The following MKI67 variants were observed in gnomAD, a reference collection of about 807,000 sequenced individuals.
The protein encoded by MKI67 is proliferation marker protein Ki-67.
In MKI67, 152 loss-of-function variants were observed where a neutral mutation model predicts 233.5. That is an observed-to-expected ratio of 0.65 (90% CI 0.57 to 0.74). The LOEUF is 0.74. MKI67 is among the 30% of genes least tolerant of loss of function. MKI67 has a pLI of 0.00. For missense variants in MKI67, 3,940 were observed against 3,885.2 expected, an observed-to-expected ratio of 1.01 and a Z score of -0.37; for synonymous variants, 1,465 against 1,418.5, an observed-to-expected ratio of 1.03 and a Z score of -0.74.
intron 12 of MKI67, 106 bp from the exon 13 acceptor site, chr10:128,109,529 T>G: frequency 1.6e-6 from 2 of 1,240,394 alleles, no homozygotes; most frequent in Admixed American, 2.6e-5. Context: ...TAGCTTCGTA[T>G]TCACTGAACG....
In MKI67 at chr10:128,115,930, TG is replaced by T. The variant is rs1852796857; in HGVS notation, c.477del (p.Lys160ArgfsTer52). The T allele has an allele frequency of 6.2e-7, 1 of 1,611,932 alleles. No individual in the cohort carries two copies. Among genetic ancestry groups the T allele is most frequent in the Non-Finnish European group, 8.5e-7 (1 of 1,179,990 alleles). On this transcript the variant is annotated frameshift_variant, in exon 7 of 15. Coordinates refer to ENST00000368654, the MANE Select transcript of MKI67 (RefSeq NM_002417.5). LOFTEE classifies it high-confidence loss of function. ...GCGGTACTGTCTTCTTTGACATTCT[TG>T]ATATGTACCTGAGGATTTCCTGAAA... ...GKVSGNPQVH[I>X]KNVKEDSTAD...
In MKI67 at chr10:128,108,471, T is replaced by C. The variant is rs534297621; in HGVS notation, c.3369A>G (p.Lys1123=). The change falls in exon 13 of 15, where the codon AAA becomes AAG. Residue 1123 remains lysine (K), a synonymous_variant. Transcript: ENST00000368654. ...GAGATTTGCAGGCTATTTTGGTAGT[T>C]TTCTCATCAGTCATTGATTCCTCAG... The part of the protein sequence containing the change: ...GPSEESMTDE[K]TTKIACKSPP... 1 of 1,613,698 alleles carries C rather than the reference T, an allele frequency of 6.2e-7. No homozygotes were observed. The highest frequency in any genetic ancestry group is 1.3e-5 in the African/African-American group (1 of 74,808).
In MKI67 at chr10:128,097,621, G is replaced by A. The variant is rs1181922276; in HGVS notation, c.*1569C>T. 6.6e-6 allele frequency: 1 copy of A among 152,088 alleles called. No homozygotes were observed. Among genetic ancestry groups the A allele is most frequent in the Non-Finnish European group, 1.5e-5 (1 of 68,018 alleles). 9.4% of individuals were successfully genotyped at this position (152,088 alleles called of 1,614,324 possible). A position where few individuals can be genotyped will look rare whatever the true frequency, so the allele number is the denominator to read the frequency against. ...GATCATAGCAACATTCCTACTGAAA[G>A]TTTTGAGGTTGGCCTACGTAGAAGG... On this transcript the variant is annotated 3_prime_UTR_variant, in exon 15 of 15. Transcript: ENST00000368654.
Position 128,109,286 on chromosome 10 carries a change from T to C in MKI67, c.2554A>G (p.Thr852Ala). Reference sequence around the variant, plus strand: ...TCTGAAGTTTTTGTCTCCAGAGAAGTCATTTTGTAGGTGTTCCTGGGCGTT... The same window carrying C: ...TCTGAAGTTTTTGTCTCCAGAGAAGCCATTTTGTAGGTGTTCCTGGGCGTT... ...AKTPRNTYKM[T>A]SLETKTSDTE... The change falls in exon 13 of 15, where the codon ACT becomes GCT. Residue 852 changes from threonine (T) to alanine (A), a missense_variant. Transcript: ENST00000368654. The C allele has an allele frequency of 1.2e-6, 2 of 1,614,176 alleles. No individual in the cohort carries two copies.
At chr10:128,100,935 T>C (rs763139573) in intron 14 of MKI67, among the ~76,000 whole-genome samples, 3 of 152,258 alleles carry the variant, frequency 2.0e-5, no homozygotes, top group Non-Finnish European at 4.4e-5. Flanking sequence ...ACAGAAAGGC[T>C]GAAGACATCT....
In MKI67 at chr10:128,125,237, C is replaced by G. The variant is rs1440160277; in HGVS notation, c.92+339G>C. 6.6e-6 allele frequency among the ~76,000 whole-genome samples: 1 copy of G among 152,166 alleles called. No homozygotes were observed. Among genetic ancestry groups the G allele is most frequent in the Non-Finnish European group, 1.5e-5 (1 of 68,036 alleles). ...CTGTGTCCCCAGTGGCCAGGGATGCCCACTGTGGAGGCACCCGGGGGCGCA... is the reference window on the plus strand; with the variant it reads ...CTGTGTCCCCAGTGGCCAGGGATGCGCACTGTGGAGGCACCCGGGGGCGCA... On this transcript the variant is annotated intron_variant, in intron 2 of 14. Coordinates refer to ENST00000368654, the MANE Select transcript of MKI67 (RefSeq NM_002417.5). The surrounding 1 kb of genome is among the most constrained non-coding windows in gnomAD (Gnocchi z 5.3).
chr10:128,107,929 CCTA>C lies in MKI67; in HGVS notation c.3908_3910del (p.Val1303del), dbSNP rs1590304090. 2 of 1,613,584 alleles carry C rather than the reference CCTA, an allele frequency of 1.2e-6. No homozygotes were observed. The highest frequency in any genetic ancestry group is 1.7e-6 in the Non-Finnish European group (2 of 1,179,962). ...AAATATGATGATGTCTTTCTCTTCA[CCTA>C]CTGATGGTTTAGGCGTGTGCATGGC... On this transcript the variant is annotated inframe_deletion, in exon 13 of 15. Coordinates refer to ENST00000368654, the MANE Select transcript of MKI67 (RefSeq NM_002417.5).
At chr10:128,120,723 G>A (rs1319476119) in intron 4 of MKI67, among the ~76,000 whole-genome samples, 1 of 152,006 alleles carries the variant, frequency 6.6e-6, no homozygotes, top group African/African-American at 2.4e-5. Context: ...CAACTAATAC[G>A]TTGTCTACAA....
At chr10:128,110,605 T>A in intron 11 of MKI67, 72 bp from the exon 12 acceptor site, 4 of 1,224,472 alleles carry the variant, frequency 3.3e-6, no homozygotes, top group Non-Finnish European at 4.5e-6. Context: ...AGCCCTCACA[T>A]GTAACGTGCA....
intron 4 of MKI67, among the ~76,000 whole-genome samples, chr10:128,122,497 A>C (rs1212970896): frequency 6.6e-6 from 1 of 152,150 alleles, no homozygotes; most frequent in Non-Finnish European, 1.5e-5. Flanking sequence ...TGGTGATCAA[A>C]AGGGTGTTCA....
At position 128,110,365 on chromosome 10, in the gene MKI67, C is replaced by A. The variant is rs760001334; in HGVS notation, c.2416+13G>T. The A allele has an allele frequency of 6.5e-7, 1 of 1,543,112 alleles. No individual in the cohort carries two copies. Among genetic ancestry groups the A allele is most frequent in the Admixed American group, 1.7e-5 (1 of 57,666 alleles). ...CCCAAAACATCACAGTGTTAGGAAA[C>A]AAGGAAACCAACCAAAACTCTCTGA... On this transcript the variant is annotated intron_variant, in intron 12 of 14. Transcript: ENST00000368654.
chr10:128,108,517 A>G lies in MKI67; in HGVS notation c.3323T>C (p.Leu1108Pro). 3 of 1,613,890 alleles carry G rather than the reference A, an allele frequency of 1.9e-6. No individual in the cohort carries two copies. The highest frequency in any genetic ancestry group is 1.7e-6 in the Non-Finnish European group (2 of 1,179,994). ...CTCAGAGGGACCTGGTGTCTGGAAG[A>G]GCTCTTTGAAGCCAGCCAGGTCTTC... ...SLEDLAGFKELFQTPGPSEES... is the reference protein window; with the variant it reads ...SLEDLAGFKEPFQTPGPSEES... The change falls in exon 13 of 15, where the codon CTC becomes CCC. Residue 1108 changes from leucine (L) to proline (P), a missense_variant. Coordinates refer to ENST00000368654, the MANE Select transcript of MKI67 (RefSeq NM_002417.5).
rs1853036024 is a variant in MKI67 at position 128,125,525 on chromosome 10, G to T, written c.92+51C>A. On this transcript the variant is annotated intron_variant, in intron 2 of 14. Coordinates refer to ENST00000368654, the MANE Select transcript of MKI67 (RefSeq NM_002417.5). This position sits in a 1 kb window ranked among gnomAD's most constrained non-coding sequence, Gnocchi z 5.3. ...TTCTGGACTTTATTCTGTGACTAAG[G>T]TATTTTCCTCTTTCTCAGCTAAAAC... is the stretch of plus-strand genomic sequence containing the variant. The T allele has an allele frequency of 7.0e-7, 1 of 1,426,408 alleles. No individual in the cohort carries two copies. Among genetic ancestry groups the T allele is most frequent in the Non-Finnish European group, 9.9e-7 (1 of 1,011,266 alleles). 88.4% of individuals were successfully genotyped at this position (1,426,408 alleles called of 1,614,324 possible).
In MKI67 at chr10:128,103,763, G is replaced by C. The variant is rs772325112; in HGVS notation, c.8077C>G (p.Gln2693Glu). ...GCTTTGCCAGCAGTCAGTGATTCCTGAGTGTGACCTGATGTTTCAGAGAGC... is the reference window on the plus strand; with the variant it reads ...GCTTTGCCAGCAGTCAGTGATTCCTCAGTGTGACCTGATGTTTCAGAGAGC... ...TELSETSGHT[Q>E]ESLTAGKATK... The change falls in exon 13 of 15, where the codon CAG becomes GAG. Residue 2693 changes from glutamine to glutamate, a missense_variant. Coordinates refer to ENST00000368654, the MANE Select transcript of MKI67 (RefSeq NM_002417.5). 19 of 1,613,608 alleles carry C rather than the reference G, an allele frequency of 1.2e-5. No individual in the cohort carries two copies. Among genetic ancestry groups the C allele is most frequent in the Non-Finnish European group, 1.6e-5 (19 of 1,179,894 alleles).
intron 2 of MKI67, among the ~76,000 whole-genome samples, chr10:128,124,958 C>A (rs1853024149): frequency 6.6e-6 from 1 of 151,482 alleles, no homozygotes; most frequent in Admixed American, 6.6e-5. Context: ...GGCCTGAATC[C>A]CGTGTGGTCT....
chr10:128,113,671 G>T, intron 7 of MKI67, 69 bp from the exon 8 acceptor site: 1 of 1,428,680 alleles, frequency 7.0e-7, no homozygotes, highest in Non-Finnish European at 9.8e-7. Flanking sequence ...TTTATTTCAC[G>T]TTAGCATTAA....
chr10:128,108,574 G>A lies in MKI67; in HGVS notation c.3266C>T (p.Pro1089Leu). 2 of 1,614,142 alleles carry A rather than the reference G, an allele frequency of 1.2e-6. 1 individual carries two copies. Among genetic ancestry groups the A allele is most frequent in the South Asian group, 2.2e-5 (2 of 91,068 alleles). Residue 1089 changes from proline to leucine, a missense_variant, in exon 13 of 15, where the codon CCA becomes CTA. Physicochemically the swap from Pro to Leu is moderately conservative, Grantham distance 98. Transcript: ENST00000368654. ...CTGGGCCTCTTCCTTAGGCGTTCTT[G>A]GCCACTTCTTCATTCCAGTTACACG... The part of the protein sequence containing the change: ...AARVTGMKKW[P>L]RTPKEEAQSL...
chr10:128,100,022 G>A (rs1852302028), intron 14 of MKI67, among the ~76,000 whole-genome samples: 1 of 152,212 alleles, frequency 6.6e-6, no homozygotes, highest in African/African-American at 2.4e-5. Flanking sequence ...TCCAGACTGT[G>A]AATTCGGTAA....
At position 128,105,899 on chromosome 10, in the gene MKI67, A is replaced by C; in HGVS notation, c.5941T>G (p.Cys1981Gly). The stretch of plus-strand genomic sequence containing the variant: ...ACTGGGTCTGGTTGTGGAGATTTGC[A>C]GGATACTTCTGTGATTTTGTCATCG... ...MTDDKITEVSCKSPQPDPVKT... is the reference protein window; with the variant it reads ...MTDDKITEVSGKSPQPDPVKT... Residue 1981 changes from cysteine (C) to glycine (G), a missense_variant, in exon 13 of 15, where the codon TGC becomes GGC. Cys to Gly is a radical substitution (Grantham distance 159). Transcript: ENST00000368654. 1 of 1,613,650 alleles carries C rather than the reference A, an allele frequency of 6.2e-7. No individual in the cohort carries two copies. Among genetic ancestry groups the C allele is most frequent in the Non-Finnish European group, 8.5e-7 (1 of 1,179,952 alleles).
Sources: gnomAD v4.1 joint callset for allele counts (sites outside exome capture counted in the v4.1 genomes callset) on GRCh38, gnomAD v4.1.1 for gene constraint, Gnocchi (gnomAD v3.1) non-coding constraint, MANE v1.5 for transcripts, NCBI Gene and HGNC (gene_info 2026-07-23, HGNC 2026-07-21) for gene names.